The following ETV1 variants were observed in gnomAD, a reference collection of about 807,000 sequenced individuals.
ETV1 encodes the protein ETS variant transcription factor 1.
Under a neutral mutation model 62.3 loss-of-function variants are expected in ETV1, and 27 were observed. The ratio of observed to expected loss-of-function variants is 0.43; its 90% CI spans 0.32 to 0.60. ETV1 has a LOEUF of 0.60. Among genes scored for constraint, ETV1 ranks in the 20% least tolerant of loss-of-function variants. The pLI is 0.06. For missense variants in ETV1, 605 were observed against 605.8 expected (o/e 1.00, Z 0.01); for synonymous variants, 222 against 199.6 (o/e 1.11, Z -0.94).
intron 13 of ETV1, among the ~76,000 whole-genome samples, chr7:13,896,784 G>GAA (rs1781886109): frequency 6.6e-6 from 1 of 150,898 alleles, no homozygotes; most frequent in African/African-American, 2.5e-5. Flanking sequence ...AAGAAAGAAA[G>GAA]AAAGAAAGGA....
chr7:13,911,411 T>C (rs1241017200), intron 9 of ETV1, 104 bp from the exon 10 acceptor site: 1 of 731,524 alleles, frequency 1.4e-6, no homozygotes, highest in Non-Finnish European at 2.4e-6. Flanking sequence ...GGACACAGGT[T>C]CCAATGTGGG....
chr7:13,966,359 G>A (rs983475269), intron 6 of ETV1, among the ~76,000 whole-genome samples: 1 of 152,142 alleles, frequency 6.6e-6, no homozygotes, highest in Non-Finnish European at 1.5e-5. Context: ...AAGTCCGGGT[G>A]TGGTGGCTCA....
Position 13,924,412 on chromosome 7 carries a change from C to T in ETV1, c.802+7090G>A, listed in dbSNP as rs571655616. Reference sequence around the variant, plus strand: ...TTGATAATCTCAGTTCTTAAGAATGCTCGTGGTATATTTTTTAAAAGAAAG... The same window carrying T: ...TTGATAATCTCAGTTCTTAAGAATGTTCGTGGTATATTTTTTAAAAGAAAG... On this transcript the variant is annotated intron_variant, in intron 9 of 13. Transcript: ENST00000430479. 2.0e-5 allele frequency among the ~76,000 whole-genome samples: 3 copies of T among 152,256 alleles called. No homozygotes were observed. In the South Asian group the frequency reaches 6.2e-4, roughly 32 times the overall value.
Position 13,891,606 on chromosome 7 carries a change from T to C in ETV1, c.*4260A>G, listed in dbSNP as rs1781386905. 8.6e-6 allele frequency: 2 copies of C among 231,834 alleles called. No individual in the cohort carries two copies. The highest frequency in any genetic ancestry group is 1.8e-4 in the South Asian group (1 of 5,520). 14.4% of individuals were successfully genotyped at this position (231,834 alleles called of 1,614,324 possible). On this transcript the variant is annotated 3_prime_UTR_variant, in exon 14 of 14. Coordinates refer to ENST00000430479, the MANE Select transcript of ETV1 (RefSeq NM_004956.5). ...TTTAAGTATGTCAAAGTGAGTCTCA[T>C]GTATATAAAAAAAGAAGTCCTAAAA...
chr7:13,952,698 C>A (rs867014447), intron 6 of ETV1, among the ~76,000 whole-genome samples: 1 of 152,010 alleles, frequency 6.6e-6, no homozygotes, highest in Non-Finnish European at 1.5e-5. Flanking sequence ...CAGGGACCTC[C>A]CACATTTCAG....
chr7:13,896,743 G>GAAAGAAAGAAAGAAA (rs144984792), intron 13 of ETV1, among the ~76,000 whole-genome samples: 1 of 115,302 alleles, frequency 8.7e-6, no homozygotes. Context: ...AAGAAAGAAA[G>GAAAGAAAGAAAGAAA]GAAAGAAAGA....
chr7:13,940,039 G>A (rs958958077), intron 6 of ETV1, among the ~76,000 whole-genome samples: 6 of 152,010 alleles, frequency 3.9e-5, no homozygotes, highest in Admixed American at 3.9e-4. Flanking sequence ...ATATGGGGAG[G>A]GAATCACAGC....
At chr7:13,900,893 T>C in intron 12 of ETV1, 54 bp from the exon 13 acceptor site, 6 of 1,191,630 alleles carry the variant, frequency 5.0e-6, no homozygotes, top group Non-Finnish European at 7.1e-6. Context: ...ATCAGCATAT[T>C]TCATAAAAAT....
At chr7:13,966,299 G>C (rs1302172885) in intron 6 of ETV1, among the ~76,000 whole-genome samples, 2 of 152,124 alleles carry the variant, frequency 1.3e-5, no homozygotes, top group East Asian at 3.9e-4. Flanking sequence ...AGGGAATCCA[G>C]TGGCCTTGCC....
intron 12 of ETV1, among the ~76,000 whole-genome samples, 173 bp from the exon 13 acceptor site, chr7:13,901,012 T>C (rs2128406720): frequency 6.6e-6 from 1 of 152,074 alleles, no homozygotes; most frequent in African/African-American, 2.4e-5. Context: ...TTGCTTTTTT[T>C]TTTTTTTTTG....
At chr7:13,986,288 C>G in intron 5 of ETV1, 1 of 1,509,348 alleles carries the variant, frequency 6.6e-7, no homozygotes, top group Non-Finnish European at 8.8e-7. Flanking sequence ...CAGCCGGGTT[C>G]TGGCTCTAGG....
At chr7:13,988,065 C>T in intron 4 of ETV1, 21 bp downstream of exon 4, 3 of 1,494,676 alleles carry the variant, frequency 2.0e-6, no homozygotes, top group Non-Finnish European at 2.8e-6. Flanking sequence ...AATGGGGATT[C>T]AGCCCAAAAT....
intron 13 of ETV1, among the ~76,000 whole-genome samples, chr7:13,896,757 A>AAAG (rs1781860852): frequency 6.8e-6 from 1 of 147,408 alleles, no homozygotes; most frequent in African/African-American, 2.6e-5. Context: ...AGAAAGAAAG[A>AAAG]AAGAAAGAAA....
At chr7:13,916,017 C>CACAT (rs1373291785) in intron 9 of ETV1, among the ~76,000 whole-genome samples, 3,085 of 150,350 alleles carry the variant, frequency 0.021, 69 homozygotes, top group Middle Eastern at 0.073. Flanking sequence ...GAACTGGATG[C>CACAT]GAATGTAACA....
chr7:13,960,122 G>A (rs951827947), intron 6 of ETV1, among the ~76,000 whole-genome samples: 3 of 152,006 alleles, frequency 2.0e-5, no homozygotes, highest in East Asian at 1.9e-4. Context: ...AAAGGAAGAC[G>A]GTGTTCACCT....
chr7:13,976,837 G>C (rs542452752), intron 6 of ETV1, among the ~76,000 whole-genome samples: 1 of 152,256 alleles, frequency 6.6e-6, no homozygotes, highest in East Asian at 1.9e-4. Context: ...CTTAGGGAAA[G>C]GAACGCAGAA....
intron 11 of ETV1, among the ~76,000 whole-genome samples, chr7:13,907,119 G>A (rs1414315888): frequency 1.3e-5 from 2 of 152,210 alleles, no homozygotes; most frequent in Non-Finnish European, 2.9e-5. Flanking sequence ...ATATTTCAAA[G>A]CAAATTTAAT....
At chr7:13,972,750 G>A (rs1001030325) in intron 6 of ETV1, among the ~76,000 whole-genome samples, 16 of 152,084 alleles carry the variant, frequency 1.1e-4, no homozygotes, top group Non-Finnish European at 1.6e-4. Flanking sequence ...GCATGCACTT[G>A]TAGGAACTTG....
At chr7:13,974,937 C>T (rs1176118995) in intron 6 of ETV1, 2 of 152,252 alleles carry the variant, frequency 1.3e-5, no homozygotes, top group Non-Finnish European at 2.9e-5. Flanking sequence ...TTTTTCTAAT[C>T]TGCACAGGGA....
Sources: allele counts gnomAD v4.1 joint callset (sites outside exome capture counted in the v4.1 genomes callset), GRCh38; gene constraint gnomAD v4.1.1; transcripts MANE v1.5; gene names NCBI Gene and HGNC (gene_info 2026-07-23, HGNC 2026-07-21).